The following ODC1 variants were observed in gnomAD, a reference collection of about 807,000 sequenced individuals.
ODC1 encodes the protein ornithine decarboxylase 1.
In ODC1, 18 loss-of-function variants were observed where a neutral mutation model predicts 41.5. The observed-to-expected ratio is 0.43, with a 90% CI of 0.30 to 0.64. The LOEUF (loss-of-function observed/expected upper bound fraction) is 0.64, where lower values mean the gene tolerates loss of function less well. Among genes scored for constraint, ODC1 ranks in the 30% least tolerant of loss-of-function variants. The probability of loss-of-function intolerance (pLI) is 0.11; values close to 1 mark genes in which losing one functional copy is unlikely to be tolerated. For synonymous variants in ODC1, 218 were observed against 211.6 expected (o/e 1.03, Z -0.26); for missense variants, 504 against 589.0 (o/e 0.86, Z 1.49).
Position 10,442,159 on chromosome 2 carries a change from T to G in ODC1, c.766A>C (p.Asn256His), listed in dbSNP as rs760418432. 68 of 1,604,886 alleles carry G rather than the reference T, an allele frequency of 4.2e-5. No individual in the cohort carries two copies. Among genetic ancestry groups the G allele is most frequent in the Non-Finnish European group, 5.6e-5 (66 of 1,176,968 alleles). The change falls in exon 9 of 12, where the codon AAC becomes CAC. Residue 256 changes from asparagine (N) to histidine (H), a missense_variant. This residue lies in a region of ODC1 where 447 missense variants were observed against 524.4 expected (regional missense o/e 0.85). Coordinates refer to ENST00000234111, the MANE Select transcript of ODC1 (RefSeq NM_002539.3). Reference protein sequence around the residue: ...LKFEEITGVINPALDKYFPSD... With the variant: ...LKFEEITGVIHPALDKYFPSD... ...GGAAAGTATTTGTCCAACGCTGGGT[T>G]GATTACGCCGGTGATCTAAGAGAGT...
rs778672400 is a variant in ODC1 at position 10,443,578 on chromosome 2, T to C, written c.585-7A>G. 1 of 1,611,448 alleles carries C rather than the reference T, an allele frequency of 6.2e-7. No homozygotes were observed. The highest frequency in any genetic ancestry group is 2.2e-5 in the East Asian group (1 of 44,830). ...GCCGCTTCCTACATGGAAGCTGGGG[T>C]AAAATAAAGAGACGAGACACTGTGT... is the stretch of plus-strand genomic sequence containing the variant. On this transcript the variant is annotated splice_polypyrimidine_tract_variant and splice_region_variant and intron_variant, in intron 6 of 11. Transcript: ENST00000234111.
Position 10,440,627 on chromosome 2 carries a change from C to A in ODC1, c.*97G>T. ...CTGCATCATGGCGACCCTACTCTTA[C>A]AAAGACATTTCAAAACTAGCAGTAA... On this transcript the variant is annotated 3_prime_UTR_variant, in exon 12 of 12. Coordinates refer to ENST00000234111, the MANE Select transcript of ODC1 (RefSeq NM_002539.3). 1 of 1,338,382 alleles carries A rather than the reference C, an allele frequency of 7.5e-7. No individual in the cohort carries two copies. Among genetic ancestry groups the A allele is most frequent in the Middle Eastern group, 2.3e-4 (1 of 4,256 alleles). The allele number at this position is 1,338,382 out of a possible 1,614,324, so 82.9% of individuals were successfully genotyped here. A position where few individuals can be genotyped will look rare whatever the true frequency, so the allele number is the denominator to read the frequency against.
At chr2:10,442,909 C>G (rs1671878590) in intron 8 of ODC1, among the ~76,000 whole-genome samples, 1 of 151,768 alleles carries the variant, frequency 6.6e-6, no homozygotes, top group Non-Finnish European at 1.5e-5. Flanking sequence ...GATGGGGTCT[C>G]ACTGTGTTGC....
intron 1 of ODC1, chr2:10,447,886 G>C (rs982032455): frequency 2.6e-5 from 4 of 152,202 alleles, no homozygotes; most frequent in Admixed American, 6.5e-5. Context: ...GGCCCCTCCA[G>C]CCCCGAGCTG....
rs1671916120 is a variant in ODC1, at chr2:10,443,757, T to C, written c.529A>G (p.Ser177Gly). Residue 177 changes from serine (S) to glycine (G), a missense_variant, in exon 6 of 12, where the codon AGC (serine) becomes GGC (glycine). By Grantham distance (56) the Ser-to-Gly change is moderately conservative. Transcript: ENST00000234111. ...SVKFGATLRT[S>G]RLLLERAKEL... ...TTCGCCCGTTCCAAAAGGAGCCTGC[T>C]GGTTCTGAGCGTGGCACCGAATTTC... 6.2e-6 allele frequency: 10 copies of C among 1,614,254 alleles called. No homozygotes were observed. Among genetic ancestry groups the C allele is most frequent in the Non-Finnish European group, 8.5e-6 (10 of 1,180,048 alleles).
chr2:10,446,291 ACC>A (rs537799203), intron 1 of ODC1, among the ~76,000 whole-genome samples: 24 of 151,984 alleles, frequency 1.6e-4, no homozygotes, highest in African/African-American at 5.8e-4. Context: ...GTGCCACCAC[ACC>A]CGGGGCCTGG....
chr2:10,446,275 C>T lies in ODC1; in HGVS notation c.-127-1011G>A, dbSNP rs59173521. Among the ~76,000 whole-genome samples the T allele has an allele frequency of 7.7e-3, 1,171 of 152,132 alleles. 10 individuals are homozygous for T. Among genetic ancestry groups the T allele is most frequent in the African/African-American group, 0.026 (1,078 of 41,504 alleles). On this transcript the variant is annotated intron_variant, in intron 1 of 11. Coordinates refer to ENST00000234111, the MANE Select transcript of ODC1 (RefSeq NM_002539.3). ...CAGTCTCCCGAGTAGCTGGGATTAC[C>T]GGCATGTGCCACCACACCCGGGGCC... is the stretch of plus-strand genomic sequence containing the variant.
chr2:10,444,374 G>T, intron 4 of ODC1, 100 bp downstream of exon 4: 1 of 1,509,276 alleles, frequency 6.6e-7, no homozygotes, highest in Non-Finnish European at 8.9e-7. Context: ...TTTGCCTTTA[G>T]TGAGCATTTA....
Position 10,441,494 on chromosome 2 carries a change from G to A in ODC1, c.1241+15C>T. On this transcript the variant is annotated intron_variant, in intron 11 of 11. Transcript: ENST00000234111. ...CTATTCTTGGCAGCACCATCAACAT[G>A]CATGGCTTACTTACCACGCAGGCCC... The A allele has an allele frequency of 1.9e-6, 3 of 1,611,304 alleles. No individual in the cohort carries two copies. Among genetic ancestry groups the A allele is most frequent in the Non-Finnish European group, 2.5e-6 (3 of 1,178,552 alleles).
chr2:10,445,356 G>A, intron 1 of ODC1, 92 bp from the exon 2 acceptor site: 2 of 291,296 alleles, frequency 6.9e-6, no homozygotes, highest in South Asian at 6.7e-5. Flanking sequence ...AGCTAATCAT[G>A]CCCCGGATAT....
rs761262254 is a variant in ODC1 at position 10,441,505 on chromosome 2, T to G, written c.1241+4A>C. The G allele has an allele frequency of 6.8e-6, 11 of 1,612,918 alleles. No homozygotes were observed. The African/African-American group carries it at 1.3e-4, about 20-fold the overall frequency. Reference sequence around the variant, plus strand: ...AGCACCATCAACATGCATGGCTTACTTACCACGCAGGCCCTGACATCACAT... The same window carrying G: ...AGCACCATCAACATGCATGGCTTACGTACCACGCAGGCCCTGACATCACAT... On this transcript the variant is annotated splice_donor_region_variant and intron_variant, in intron 11 of 11. Coordinates refer to ENST00000234111, the MANE Select transcript of ODC1 (RefSeq NM_002539.3).
chr2:10,442,627 G>A (rs912807275), intron 8 of ODC1, among the ~76,000 whole-genome samples: 2 of 152,162 alleles, frequency 1.3e-5, no homozygotes, highest in African/African-American at 4.8e-5. Flanking sequence ...ATTTTAAGGA[G>A]AGGAAGCATA....
rs1029268386 is a variant in ODC1 at position 10,444,350 on chromosome 2, A to AC, written c.277-84dup. 1.6e-4 allele frequency: 245 copies of AC among 1,500,814 alleles called. 2 individuals carry two copies. The highest frequency in any genetic ancestry group is 1.4e-3 in the Admixed American group (65 of 46,268). 93.0% of individuals were successfully genotyped at this position (1,500,814 alleles called of 1,614,324 possible). ...AGAAAAGCATGGGAAGTTGTCATGT[A>AC]CCCCCCCGCCCCATTTGCCTTTAGT... is the stretch of plus-strand genomic sequence containing the variant. On this transcript the variant is annotated intron_variant, in intron 4 of 11. Transcript: ENST00000234111.
At position 10,446,432 on chromosome 2, in the gene ODC1, G is replaced by T. The variant is rs559518835; in HGVS notation, c.-127-1168C>A. 5.9e-5 allele frequency among the ~76,000 whole-genome samples: 9 copies of T among 152,336 alleles called. No individual in the cohort carries two copies. In the South Asian group the frequency reaches 1.4e-3, roughly 25 times the overall value. ...TGGGATTACAGGCGTGAGCCACCAC[G>T]CCCGGCTAGAACTCAGTATTCTTAA... On this transcript the variant is annotated intron_variant, in intron 1 of 11. Transcript: ENST00000234111.
intron 7 of ODC1, 83 bp from the exon 8 acceptor site, chr2:10,443,396 C>T (rs1671897106): frequency 6.4e-7 from 1 of 1,552,916 alleles, no homozygotes; most frequent in Non-Finnish European, 8.9e-7. Flanking sequence ...CCATGTAATA[C>T]AGAACCAACT....
chr2:10,443,970 A>G (rs1671927826), intron 5 of ODC1, 125 bp downstream of exon 5: 16 of 1,457,928 alleles, frequency 1.1e-5, no homozygotes, highest in Non-Finnish European at 1.2e-5. Flanking sequence ...TTCATGACTC[A>G]ATGGGGGTTT....
At chr2:10,441,959 C>T in intron 9 of ODC1, 30 bp from the exon 10 acceptor site, 2 of 1,613,406 alleles carry the variant, frequency 1.2e-6, no homozygotes, top group Non-Finnish European at 1.7e-6. Flanking sequence ...ATCTTAATGA[C>T]TTTTTGCATC....
In ODC1 at chr2:10,444,276, G is replaced by A; in HGVS notation, c.277-9C>T. On this transcript the variant is annotated splice_polypyrimidine_tract_variant and intron_variant, in intron 4 of 11. Transcript: ENST00000234111. ...ACCAACTGTATTTCAGTCTGAAAAAGAAGAGTGGTGTCATGCTATCCATAT... is the reference window on the plus strand; with the variant it reads ...ACCAACTGTATTTCAGTCTGAAAAAAAAGAGTGGTGTCATGCTATCCATAT... 3 of 1,566,426 alleles carry A rather than the reference G, an allele frequency of 1.9e-6. No individual in the cohort carries two copies. The highest frequency in any genetic ancestry group is 2.6e-6 in the Non-Finnish European group (3 of 1,159,822).
At position 10,443,268 on chromosome 2, in the gene ODC1, A is replaced by G. The variant is rs1253179858; in HGVS notation, c.712T>C (p.Phe238Leu). The G allele has an allele frequency of 6.2e-7, 1 of 1,612,778 alleles. No individual in the cohort carries two copies. Among genetic ancestry groups the G allele is most frequent in the South Asian group, 1.1e-5 (1 of 90,722 alleles). The change falls in exon 8 of 12, where the codon TTT (phenylalanine) becomes CTT (leucine). Residue 238 changes from phenylalanine to leucine, a missense_variant. This residue lies in a region of ODC1 where 447 missense variants were observed against 524.4 expected (regional missense o/e 0.85). Transcript: ENST00000234111. ...AGTTTCACATCCTCAGATCCAGGAA[A>G]GCCACCGCCAATATCAAGCAGATAC... ...SMYLLDIGGG[F>L]PGSEDVKLKF... is the part of the protein sequence containing the mutation.
Sources: allele counts gnomAD v4.1 joint callset (sites outside exome capture counted in the v4.1 genomes callset), GRCh38; gene constraint gnomAD v4.1.1; regional missense constraint gnomAD v4.1.1; transcripts MANE v1.5; gene names NCBI Gene and HGNC (gene_info 2026-07-23, HGNC 2026-07-21).